HGF: variants seen among roughly 807,000 people sequenced by gnomAD.
HGF encodes the protein fibroblast-derived tumor cytotoxic factor.
A neutral mutation model predicts 111.6 loss-of-function variants in HGF; 39 were observed. The ratio of observed to expected loss-of-function variants is 0.35; its 90% CI spans 0.27 to 0.46. The LOEUF (loss-of-function observed/expected upper bound fraction) is 0.46. Ranked by LOEUF, HGF falls within the 20% of genes least tolerant of loss-of-function variation. The pLI is 1.00. For synonymous variants in HGF, 285 were observed against 294.8 expected (o/e 0.97, Z 0.34); for missense variants, 735 against 910.5 (o/e 0.81, Z 2.48).
At chr7:81,752,086 T>C (rs1244712336) in intron 5 of HGF, 34 bp downstream of exon 5, 25 of 1,612,734 alleles carry the variant, frequency 1.6e-5, no homozygotes, top group Non-Finnish European at 2.1e-5. Flanking sequence ...ATAGGGGGAA[T>C]AGAATGGCCC....
chr7:81,724,755 G>A (rs1258641804), intron 9 of HGF, among the ~76,000 whole-genome samples: 1 of 152,116 alleles, frequency 6.6e-6, no homozygotes, highest in African/African-American at 2.4e-5. Flanking sequence ...GTGTTGAATG[G>A]TAGTTGTGTT....
At chr7:81,725,738 A>G (rs1376644374) in intron 9 of HGF, 152 bp downstream of exon 9, 1 of 869,362 alleles carries the variant, frequency 1.2e-6, no homozygotes. Context: ...GAATAAACAT[A>G]AGAAAAATCC....
Position 81,758,770 on chromosome 7 carries a change from G to A in HGF, c.289C>T (p.Leu97Phe), listed in dbSNP as rs1788914883. 3.1e-6 allele frequency: 5 copies of A among 1,612,724 alleles called. No homozygotes were observed. The highest frequency in any genetic ancestry group is 4.2e-6 in the Non-Finnish European group (5 of 1,179,370). Reference protein sequence around the residue: ...FVFDKARKQCLWFPFNSMSSG... With the variant: ...FVFDKARKQCFWFPFNSMSSG... The stretch of plus-strand genomic sequence containing the variant: ...GACATGCTATTGAAGGGGAACCAGA[G>A]GCATTGTTTTCTTGCTTTATCAAAA... The change falls in exon 3 of 18, where the codon CTC (leucine) becomes TTC (phenylalanine). Residue 97 changes from leucine (L) to phenylalanine (F), a missense_variant. Coordinates refer to ENST00000222390, the MANE Select transcript of HGF (RefSeq NM_000601.6).
intron 12 of HGF, 101 bp from the exon 13 acceptor site, chr7:81,710,344 A>C: frequency 1.2e-6 from 1 of 801,190 alleles, no homozygotes; most frequent in Non-Finnish European, 2.2e-6. Flanking sequence ...AAATGTAACT[A>C]TTCTTATTGT....
intron 11 of HGF, among the ~76,000 whole-genome samples, chr7:81,714,038 A>G (rs1789646399): frequency 6.6e-6 from 1 of 150,906 alleles, no homozygotes; most frequent in Non-Finnish European, 1.5e-5. Flanking sequence ...GTATGGCCTC[A>G]GAACCAAACA....
At chr7:81,732,182 T>G (rs1787685844) in intron 7 of HGF, among the ~76,000 whole-genome samples, 2 of 152,154 alleles carry the variant, frequency 1.3e-5, no homozygotes, top group African/African-American at 2.4e-5. Flanking sequence ...TGCATCTCAC[T>G]GAGAAACTAG....
intron 11 of HGF, among the ~76,000 whole-genome samples, chr7:81,715,439 A>G (rs964314528): frequency 1.3e-5 from 2 of 152,122 alleles, no homozygotes; most frequent in African/African-American, 4.8e-5. Flanking sequence ...CAACCTTAAT[A>G]TGGGAAAAGT....
At position 81,699,453 on chromosome 7, in the gene HGF, A is replaced by C. The variant is rs1296466048; in HGVS notation, c.*3128T>G. 1.3e-5 allele frequency: 2 copies of C among 151,622 alleles called. No homozygotes were observed. Among genetic ancestry groups the C allele is most frequent in the Non-Finnish European group, 3.0e-5 (2 of 67,680 alleles). The allele number at this position is 151,622 out of a possible 1,614,324, so 9.4% of individuals were successfully genotyped here. A position where few individuals can be genotyped will look rare whatever the true frequency, so the allele number is the denominator to read the frequency against. On this transcript the variant is annotated 3_prime_UTR_variant, in exon 18 of 18. Transcript: ENST00000222390. Reference sequence around the variant, plus strand: ...AAGGCCATGTACTTTTACCAAAATTAGTTTTATTTTTTAAATGAGTTTGCC... The same window carrying C: ...AAGGCCATGTACTTTTACCAAAATTCGTTTTATTTTTTAAATGAGTTTGCC...
At chr7:81,767,040 G>A (rs1030133144) in intron 1 of HGF, among the ~76,000 whole-genome samples, 11 of 151,922 alleles carry the variant, frequency 7.2e-5, no homozygotes, top group African/African-American at 1.7e-4. Flanking sequence ...TTATACTTAC[G>A]AACCTCTGTA....
rs5745736 is a variant in HGF at position 81,711,425 on chromosome 7, T to C, written c.1444+56A>G. On this transcript the variant is annotated intron_variant, in intron 12 of 17. Transcript: ENST00000222390. ...TTTTCTTTGAAAGAAATAATGACAC[T>C]TCTGACACACAGAGAGAGACTCAGA... The C allele has an allele frequency of 2.4e-4, 233 of 953,848 alleles. 3 individuals carry two copies. In the South Asian group the frequency reaches 3.7e-3, roughly 15 times the overall value. The allele number at this position is 953,848 out of a possible 1,614,324, so 59.1% of individuals were successfully genotyped here. A position where few individuals can be genotyped will look rare whatever the true frequency, so the allele number is the denominator to read the frequency against.
chr7:81,768,573 G>A lies in HGF; in HGVS notation c.88+1311C>T, dbSNP rs549958665. On this transcript the variant is annotated intron_variant, in intron 1 of 17. Coordinates refer to ENST00000222390, the MANE Select transcript of HGF (RefSeq NM_000601.6). ...TTTTTGTATTTTTAGTAGAGACAGG[G>A]TTTCACCTTGTTAGCTAGGATGGTC... 5.3e-5 allele frequency among the ~76,000 whole-genome samples: 8 copies of A among 152,212 alleles called. No homozygotes were observed. The South Asian group carries it at 1.7e-3, about 32-fold the overall frequency.
At chr7:81,760,711 G>C (rs936977755) in intron 2 of HGF, among the ~76,000 whole-genome samples, 3 of 151,354 alleles carry the variant, frequency 2.0e-5, no homozygotes, top group Non-Finnish European at 2.9e-5. Context: ...GTGTGTGTGT[G>C]TGTGTGTGTG....
chr7:81,711,635 T>G, intron 11 of HGF, 116 bp from the exon 12 acceptor site: 1 of 518,510 alleles, frequency 1.9e-6, no homozygotes, highest in Non-Finnish European at 3.5e-6. Context: ...TACTAAAATT[T>G]TTGTTGTTGT....
intron 5 of HGF, chr7:81,750,937 A>C: frequency 3.3e-6 from 3 of 919,288 alleles, no homozygotes; most frequent in Non-Finnish European, 3.9e-6. Flanking sequence ...AAAGAAAAGA[A>C]AACAATGAAG....
At chr7:81,715,438 T>A (rs912568775) in intron 11 of HGF, among the ~76,000 whole-genome samples, 3 of 152,068 alleles carry the variant, frequency 2.0e-5, no homozygotes, top group African/African-American at 7.2e-5. Flanking sequence ...CCAACCTTAA[T>A]ATGGGAAAAG....
chr7:81,751,939 T>G (rs1788525094), intron 5 of HGF, 181 bp downstream of exon 5: 1 of 1,417,452 alleles, frequency 7.1e-7, no homozygotes, highest in South Asian at 1.5e-5. Flanking sequence ...TGCATTAATC[T>G]GGTGATAATC....
At chr7:81,708,253 ATAAC>A (rs1158795371) in intron 13 of HGF, among the ~76,000 whole-genome samples, 3 of 152,162 alleles carry the variant, frequency 2.0e-5, no homozygotes, top group East Asian at 1.9e-4. Context: ...TTTTGGAAGA[ATAAC>A]TAAGCAGCTG....
In HGF at chr7:81,758,779, T is replaced by G. The variant is rs1562906995; in HGVS notation, c.280A>C (p.Lys94Gln). The change falls in exon 3 of 18, where the codon AAA becomes CAA. Residue 94 changes from lysine (K) to glutamine (Q), a missense_variant. By Grantham distance (53) the Lys-to-Gln change is moderately conservative. Around this residue, in one of 3 missense-constraint regions of HGF, gnomAD observed 553 missense variants for 685.6 expected, o/e 0.81. Coordinates refer to ENST00000222390, the MANE Select transcript of HGF (RefSeq NM_000601.6). ...TTGAAGGGGAACCAGAGGCATTGTT[T>G]TCTTGCTTTATCAAAAACAAAAGCC... ...CKAFVFDKAR[K>Q]QCLWFPFNSM... The G allele has an allele frequency of 2.5e-6, 4 of 1,612,930 alleles. No individual in the cohort carries two copies. The highest frequency in any genetic ancestry group is 3.4e-6 in the Non-Finnish European group (4 of 1,179,216).
intron 7 of HGF, among the ~76,000 whole-genome samples, chr7:81,736,274 T>C (rs1787822304): frequency 6.6e-6 from 1 of 152,148 alleles, no homozygotes. Flanking sequence ...CACTCCGTTC[T>C]ATTTTGCCTC....
Sources: allele counts gnomAD v4.1 joint callset (sites outside exome capture counted in the v4.1 genomes callset), GRCh38; gene constraint gnomAD v4.1.1; regional missense constraint gnomAD v4.1.1; transcripts MANE v1.5; gene names NCBI Gene and HGNC (gene_info 2026-07-23, HGNC 2026-07-21).